PER2: variants seen among roughly 807,000 people sequenced by gnomAD.
PER2 encodes period circadian protein homolog 2.
In PER2, 66 loss-of-function variants were observed where a neutral mutation model predicts 121.0. That is an observed-to-expected ratio of 0.55 (90% confidence interval 0.45 to 0.67). The LOEUF (loss-of-function observed/expected upper bound fraction) is 0.67, where lower values mean the gene tolerates loss of function less well. Ranked by LOEUF, PER2 falls within the 30% of genes least tolerant of loss-of-function variation. The pLI is 0.00. For synonymous variants in PER2, 684 were observed against 659.9 expected (o/e 1.04, Z -0.56); for missense variants, 1,521 against 1,635.0 (o/e 0.93, Z 1.20).
chr2:238,267,980 G>A, intron 8 of PER2, 76 bp downstream of exon 8: 2 of 1,525,000 alleles, frequency 1.3e-6, no homozygotes, highest in African/African-American at 1.4e-5. Flanking sequence ...TCGTACAGAT[G>A]TTATGTGTGA....
chr2:238,284,201 TG>T (rs1696714345), intron 1 of PER2, among the ~76,000 whole-genome samples: 2 of 152,094 alleles, frequency 1.3e-5, no homozygotes, highest in African/African-American at 4.8e-5. Context: ...CCCAGCATTT[TG>T]GGAGGCTGAG....
rs1695406244 is a variant in PER2, at chr2:238,244,983, G to A, written c.*1392C>T. ...AATCGCTTGAACCTGGGAGGCAGAG[G>A]TTGCAGTGAGCCAAGATGGCGCCAC... is the stretch of plus-strand genomic sequence containing the variant. On this transcript the variant is annotated 3_prime_UTR_variant, in exon 23 of 23. Coordinates refer to ENST00000254657, the MANE Select transcript of PER2 (RefSeq NM_022817.3). 7.0e-6 allele frequency: 1 copy of A among 142,818 alleles called. No homozygotes were observed. Among genetic ancestry groups the A allele is most frequent in the East Asian group, 2.1e-4 (1 of 4,764 alleles). 8.8% of individuals were successfully genotyped at this position (142,818 alleles called of 1,614,324 possible).
intron 9 of PER2, among the ~76,000 whole-genome samples, chr2:238,264,105 G>A (rs571893412): frequency 1.3e-5 from 2 of 152,318 alleles, no homozygotes; most frequent in Non-Finnish European, 2.9e-5. Flanking sequence ...CTTCATCAAG[G>A]AGAGCTTGCA....
chr2:238,290,608 C>T (rs1696933430), upstream of PER2, among the ~76,000 whole-genome samples: 1 of 152,086 alleles, frequency 6.6e-6, no homozygotes, highest in African/African-American at 2.4e-5. Context: ...TTATCAAGTG[C>T]TTTGGGCTCT....
intron 2 of PER2, among the ~76,000 whole-genome samples, chr2:238,277,469 T>C (rs1257998244): frequency 2.6e-5 from 4 of 152,204 alleles, no homozygotes; most frequent in Admixed American, 6.5e-5. Flanking sequence ...CCACCACTGC[T>C]ACCTCCCAAG....
At chr2:238,287,310 C>A (rs943906009) in intron 1 of PER2, among the ~76,000 whole-genome samples, 1 of 152,224 alleles carries the variant, frequency 6.6e-6, no homozygotes, top group African/African-American at 2.4e-5. Flanking sequence ...TCATATAGCA[C>A]ACAAAAATCA....
upstream of PER2, among the ~76,000 whole-genome samples, chr2:238,294,310 G>T (rs1697009150): frequency 6.6e-6 from 1 of 152,206 alleles, no homozygotes; most frequent in Non-Finnish European, 1.5e-5. Flanking sequence ...TCACTGAGGG[G>T]TAGCCCAGTT....
intron 22 of PER2, among the ~76,000 whole-genome samples, chr2:238,247,950 C>G (rs181486851): frequency 6.6e-6 from 1 of 152,238 alleles, no homozygotes; most frequent in Non-Finnish European, 1.5e-5. Context: ...ATGGAAGCAT[C>G]CTCATGGCTT....
At chr2:238,290,503 T>A (rs2106338650), upstream of PER2, among the ~76,000 whole-genome samples, 1 of 152,352 alleles carries the variant, frequency 6.6e-6, no homozygotes. Context: ...ATATTCAGCC[T>A]GCTACCTGAT....
At chr2:238,275,461 G>C (rs566315108) in intron 4 of PER2, among the ~76,000 whole-genome samples, 1 of 152,308 alleles carries the variant, frequency 6.6e-6, no homozygotes, top group East Asian at 1.9e-4. Context: ...GGCTGAAGTG[G>C]GAGGACTGCT....
chr2:238,284,335 G>A (rs1364185443), intron 1 of PER2, among the ~76,000 whole-genome samples: 1 of 151,848 alleles, frequency 6.6e-6, no homozygotes. Flanking sequence ...CCAGCTACCT[G>A]GGAGGCTGAG....
At chr2:238,273,513 G>A (rs1020967073) in intron 4 of PER2, among the ~76,000 whole-genome samples, 1 of 117,550 alleles carries the variant, frequency 8.5e-6, no homozygotes, top group Admixed American at 8.4e-5. Flanking sequence ...TTTTTTTTTT[G>A]AGATGGAGTT....
intron 18 of PER2, chr2:238,255,090 C>T (rs552466349): frequency 6.2e-6 from 1 of 160,728 alleles, no homozygotes; most frequent in Admixed American, 5.9e-5. Context: ...AGAAGCTCAT[C>T]TATTTTACTT....
At chr2:238,257,835 G>A (rs1403011187) in intron 16 of PER2, among the ~76,000 whole-genome samples, 1 of 152,246 alleles carries the variant, frequency 6.6e-6, no homozygotes, top group African/African-American at 2.4e-5. Context: ...GTGTTAAGCA[G>A]CCTGGGATTT....
chr2:238,281,773 T>G (rs544682281), intron 1 of PER2, among the ~76,000 whole-genome samples: 98 of 152,190 alleles, frequency 6.4e-4, no homozygotes, highest in African/African-American at 2.1e-3. Flanking sequence ...TGTGTGGTGG[T>G]GTAGTAATAG....
In PER2 at chr2:238,252,011, C is replaced by A. The variant is rs73088918; in HGVS notation, c.3112-250G>T. Among the ~76,000 whole-genome samples the A allele has an allele frequency of 1.3e-5, 2 of 152,140 alleles. No homozygotes were observed. The highest frequency in any genetic ancestry group is 2.9e-5 in the Non-Finnish European group (2 of 68,024). On this transcript the variant is annotated intron_variant, in intron 19 of 22. Transcript: ENST00000254657. This position sits in a 1 kb window ranked among gnomAD's most constrained non-coding sequence, Gnocchi z 4.2. Reference sequence around the variant, plus strand: ...AATTTTCGGAGAGTCACATGGAAGACGGCAATACCTGGGCTCCAGGGGGGA... The same window carrying A: ...AATTTTCGGAGAGTCACATGGAAGAAGGCAATACCTGGGCTCCAGGGGGGA...
chr2:238,260,732 C>T, intron 13 of PER2, 96 bp downstream of exon 13: 1 of 1,368,006 alleles, frequency 7.3e-7, no homozygotes, highest in Non-Finnish European at 1.0e-6. Flanking sequence ...ATCAGGAAGC[C>T]CCTCCTAACT....
chr2:238,254,116 A>AT, intron 18 of PER2: 1 of 252,230 alleles, frequency 4.0e-6, no homozygotes, highest in South Asian at 4.6e-5. Context: ...GACCTCCTCT[A>AT]TTTTTCAATT....
rs1223835053 is a variant in PER2 at position 238,253,755 on chromosome 2, G to A, written c.2321-53C>T. The A allele has an allele frequency of 1.5e-6, 2 of 1,376,814 alleles. No individual in the cohort carries two copies. Among genetic ancestry groups the A allele is most frequent in the African/African-American group, 1.4e-5 (1 of 69,582 alleles). The allele number at this position is 1,376,814 out of a possible 1,614,324, so 85.3% of individuals were successfully genotyped here. A position where few individuals can be genotyped will look rare whatever the true frequency, so the allele number is the denominator to read the frequency against. ...TTAAAATTTTAACTCCAAATTTGAA[G>A]ACACCTCTTCGTTCAACAGTCCTGG... On this transcript the variant is annotated intron_variant, in intron 18 of 22. Coordinates refer to ENST00000254657, the MANE Select transcript of PER2 (RefSeq NM_022817.3). The surrounding 1 kb of genome is among the most constrained non-coding windows in gnomAD (Gnocchi z 5.6).
Sources: gnomAD v4.1 joint callset for allele counts (sites outside exome capture counted in the v4.1 genomes callset) on GRCh38, gnomAD v4.1.1 for gene constraint, Gnocchi (gnomAD v3.1) non-coding constraint, MANE v1.5 for transcripts, NCBI Gene and HGNC (gene_info 2026-07-23, HGNC 2026-07-21) for gene names.